KLHL7: variants seen among roughly 807,000 people sequenced by gnomAD.
KLHL7 encodes kelch like family member 7, also known as kelch-like protein 7.
KLHL7 carries 44 observed loss-of-function variants against 67.4 expected under a neutral mutation model. That is an observed-to-expected ratio of 0.65 (90% CI 0.51 to 0.84). The LOEUF (loss-of-function observed/expected upper bound fraction) is 0.84. KLHL7 is among the 40% of genes least tolerant of loss of function. The probability of loss-of-function intolerance (pLI) is 0.00; values close to 1 mark genes in which losing one functional copy is unlikely to be tolerated. For missense variants in KLHL7, 362 were observed against 718.1 expected, an observed-to-expected ratio of 0.50 and a Z score of 5.67; for synonymous variants, 252 against 243.3, an observed-to-expected ratio of 1.04 and a Z score of -0.33.
At chr7:23,120,764 C>T (rs1013529113) in intron 1 of KLHL7, among the ~76,000 whole-genome samples, 3 of 152,124 alleles carry the variant, frequency 2.0e-5, no homozygotes, top group Admixed American at 1.3e-4. Flanking sequence ...CAGGGTCTCA[C>T]TATGTTGCCT....
At chr7:23,118,103 C>A in intron 1 of KLHL7, 1 of 1,006,864 alleles carries the variant, frequency 9.9e-7, no homozygotes, top group South Asian at 1.5e-5. Flanking sequence ...TACATGGACC[C>A]AACTGCCTTT....
At chr7:23,169,939 G>C (rs1476345614) in intron 9 of KLHL7, among the ~76,000 whole-genome samples, 1 of 152,118 alleles carries the variant, frequency 6.6e-6, no homozygotes, top group Non-Finnish European at 1.5e-5. Flanking sequence ...TCCAGGTGTG[G>C]TGGTTCATAC....
At chr7:23,172,007 C>A in intron 9 of KLHL7, 1 of 354,496 alleles carries the variant, frequency 2.8e-6, no homozygotes, top group South Asian at 2.1e-5. Flanking sequence ...CCGCGCCCGG[C>A]CGGCCATCAA....
intron 1 of KLHL7, among the ~76,000 whole-genome samples, chr7:23,107,439 T>A (rs2128455236): frequency 6.6e-6 from 1 of 152,304 alleles, no homozygotes; most frequent in South Asian, 2.1e-4. Context: ...ACTCATTAGG[T>A]TCCCTCCCAC....
At chr7:23,153,839 C>T (rs189639942) in intron 7 of KLHL7, among the ~76,000 whole-genome samples, 36 of 152,284 alleles carry the variant, frequency 2.4e-4, no homozygotes, top group Middle Eastern at 3.4e-3. Context: ...AGTGTAATAA[C>T]CATATGCCAT....
intron 1 of KLHL7, among the ~76,000 whole-genome samples, chr7:23,117,446 G>T (rs565247326): frequency 2.0e-5 from 3 of 152,044 alleles, no homozygotes; most frequent in African/African-American, 7.2e-5. Flanking sequence ...CACCTTCCTT[G>T]AATAAATAAC....
chr7:23,160,637 C>T (rs146654421), intron 7 of KLHL7, among the ~76,000 whole-genome samples: 8 of 152,260 alleles, frequency 5.3e-5, no homozygotes, highest in African/African-American at 1.7e-4. Flanking sequence ...AGCACAACCT[C>T]CCTCCTCCTC....
intron 9 of KLHL7, among the ~76,000 whole-genome samples, chr7:23,168,507 A>G (rs1450830843): frequency 6.6e-6 from 1 of 152,236 alleles, no homozygotes; most frequent in East Asian, 1.9e-4. Flanking sequence ...AAATAAAATT[A>G]TTCTTAAATC....
chr7:23,113,452 C>G (rs569782565), intron 1 of KLHL7, among the ~76,000 whole-genome samples: 1 of 152,254 alleles, frequency 6.6e-6, no homozygotes, highest in Admixed American at 6.5e-5. Flanking sequence ...CTCAAAATCT[C>G]TAAACTAACA....
In KLHL7 at chr7:23,156,929, A is replaced by AAAGAG. The variant is rs10693812; in HGVS notation, c.936+4720_936+4721insAAGAG. 1.4e-4 allele frequency among the ~76,000 whole-genome samples: 21 copies of AAAGAG among 152,032 alleles called. 2 individuals are homozygous for AAAGAG. The South Asian group carries it at 4.2e-3, about 30-fold the overall frequency. On this transcript the variant is annotated intron_variant, in intron 7 of 10. Transcript: ENST00000339077. ...AATATAGAAGGCTCTAAATAAAAGA[A>AAAGAG]GAGAAAAAGAAGTTATCTTTAACTT...
At chr7:23,129,577 C>T (rs958582343) in intron 4 of KLHL7, 3 of 209,146 alleles carry the variant, frequency 1.4e-5, no homozygotes, top group South Asian at 7.6e-5. Context: ...GTGGCCGAGT[C>T]GACTACATTG....
At chr7:23,123,912 T>C (rs781638796) in intron 2 of KLHL7, 33 bp downstream of exon 2, 72 of 1,386,044 alleles carry the variant, frequency 5.2e-5, no homozygotes, top group Non-Finnish European at 7.3e-5. Flanking sequence ...TGCCATTATT[T>C]CTTCTATGAG....
At chr7:23,157,993 T>TC (rs2128468144) in intron 7 of KLHL7, among the ~76,000 whole-genome samples, 2 of 152,270 alleles carry the variant, frequency 1.3e-5, no homozygotes, top group African/African-American at 4.8e-5. Context: ...TGAGACAGGG[T>TC]CTTGCTCTGT....
chr7:23,128,422 T>TAAAAAAA (rs201757686), intron 4 of KLHL7, among the ~76,000 whole-genome samples: 3 of 116,866 alleles, frequency 2.6e-5, no homozygotes, highest in Non-Finnish European at 5.3e-5. Context: ...TCTTTGGGTT[T>TAAAAAAA]AAAAAAAAAA....
chr7:23,173,889 A>C, intron 10 of KLHL7, 126 bp from the exon 11 acceptor site: 1 of 926,994 alleles, frequency 1.1e-6, no homozygotes, highest in South Asian at 1.5e-5. Context: ...AAATTATTAC[A>C]GTTTTTCTGT....
intron 5 of KLHL7, among the ~76,000 whole-genome samples, chr7:23,143,467 T>G (rs1784256316): frequency 6.6e-6 from 1 of 152,276 alleles, no homozygotes; most frequent in African/African-American, 2.4e-5. Context: ...GACGGCCTCT[T>G]GAGAAATTAA....
intron 4 of KLHL7, among the ~76,000 whole-genome samples, chr7:23,127,341 C>T (rs1349021601): frequency 6.6e-6 from 1 of 152,162 alleles, no homozygotes; most frequent in African/African-American, 2.4e-5. Flanking sequence ...TCTATCCTTA[C>T]TGTTCACAAA....
chr7:23,108,175 A>G (rs934421660), intron 1 of KLHL7, among the ~76,000 whole-genome samples: 2 of 152,254 alleles, frequency 1.3e-5, no homozygotes, highest in Admixed American at 1.3e-4. Flanking sequence ...ACATCCAGAA[A>G]CATTCCTTCA....
chr7:23,152,574 A>G (rs963997035), intron 7 of KLHL7, among the ~76,000 whole-genome samples: 1 of 152,148 alleles, frequency 6.6e-6, no homozygotes, highest in African/African-American at 2.4e-5. Flanking sequence ...TCCCCTTAAT[A>G]ATTTTAATAT....
Sources: gnomAD v4.1 joint callset for allele counts (sites outside exome capture counted in the v4.1 genomes callset) on GRCh38, gnomAD v4.1.1 for gene constraint, MANE v1.5 for transcripts, NCBI Gene and HGNC (gene_info 2026-07-23, HGNC 2026-07-21) for gene names.